MTRF1: variants seen among roughly 807,000 people sequenced by gnomAD.
MTRF1 encodes the protein peptide chain release factor 1, mitochondrial.
Under a neutral mutation model 62.9 loss-of-function variants are expected in MTRF1, and 51 were observed. That is an observed-to-expected ratio of 0.81 (90% CI 0.65 to 1.02). The LOEUF (loss-of-function observed/expected upper bound fraction) is 1.02. MTRF1 is among the 50% of genes least tolerant of loss of function. MTRF1 has a pLI of 0.00. For synonymous variants in MTRF1, 158 were observed against 181.9 expected, an observed-to-expected ratio of 0.87 and a Z score of 1.06; for missense variants, 446 against 530.0, an observed-to-expected ratio of 0.84 and a Z score of 1.56.
chr13:41,244,668 G>A (rs1429999725), intron 5 of MTRF1, among the ~76,000 whole-genome samples: 1 of 152,110 alleles, frequency 6.6e-6, no homozygotes, highest in Non-Finnish European at 1.5e-5. Context: ...TCACTTACTT[G>A]GGAGAAACAG....
At chr13:41,230,269 CT>C (rs1193748504) in intron 7 of MTRF1, among the ~76,000 whole-genome samples, 118 of 145,150 alleles carry the variant, frequency 8.1e-4, no homozygotes, top group Non-Finnish European at 9.0e-4. Context: ...ATATTCTTTT[CT>C]TTTTTTTTTT....
the MTRF1 span, among the ~76,000 whole-genome samples, chr13:41,277,187 A>T: frequency 1.3e-5 from 2 of 149,742 alleles, no homozygotes; most frequent in Non-Finnish European, 3.0e-5. Flanking sequence ...GCTGGAGTGC[A>T]GTGGTGCAAT....
chr13:41,274,064 G>C, the MTRF1 span, among the ~76,000 whole-genome samples: 1 of 152,270 alleles, frequency 6.6e-6, no homozygotes, highest in South Asian at 2.1e-4. Context: ...AGAATGGGAG[G>C]CAGGTTTTGC....
chr13:41,221,621 T>C (rs199875034), intron 9 of MTRF1, among the ~76,000 whole-genome samples: 1 of 152,356 alleles, frequency 6.6e-6, no homozygotes, highest in East Asian at 1.9e-4. Context: ...ACCAGTGTTA[T>C]TTTCCTTATT....
chr13:41,311,988 T>A, the MTRF1 span, among the ~76,000 whole-genome samples: 2 of 152,248 alleles, frequency 1.3e-5, no homozygotes, highest in Non-Finnish European at 2.9e-5. Context: ...TGTTTTGCGT[T>A]CTGCATTCTC....
chr13:41,223,396 A>G (rs2033794049), intron 8 of MTRF1, 42 bp from the exon 9 acceptor site: 1 of 1,510,904 alleles, frequency 6.6e-7, no homozygotes, highest in African/African-American at 1.4e-5. Flanking sequence ...ACCTTTATAA[A>G]TGTCTTCATT....
At chr13:41,303,361 T>C in the MTRF1 span, among the ~76,000 whole-genome samples, 246 of 152,330 alleles carry the variant, frequency 1.6e-3, no homozygotes, top group Non-Finnish European at 2.7e-3. Flanking sequence ...TTGGTGTTAA[T>C]AATGATGCTA....
intron 8 of MTRF1, among the ~76,000 whole-genome samples, chr13:41,225,544 G>T (rs1371595569): frequency 6.6e-6 from 1 of 152,010 alleles, no homozygotes; most frequent in African/African-American, 2.4e-5. Context: ...AGCTAGAAAC[G>T]TGAAAGTGTG....
intron 9 of MTRF1, among the ~76,000 whole-genome samples, chr13:41,221,266 C>T (rs1273443362): frequency 2.6e-5 from 4 of 151,758 alleles, no homozygotes; most frequent in Non-Finnish European, 5.9e-5. Flanking sequence ...ATGCCATTCT[C>T]CTGCCTCAAC....
At chr13:41,225,311 T>C (rs749485652) in intron 8 of MTRF1, among the ~76,000 whole-genome samples, 13 of 151,912 alleles carry the variant, frequency 8.6e-5, no homozygotes, top group Non-Finnish European at 1.6e-4. Flanking sequence ...GCAGAGTTCA[T>C]AGTGTCTGTG....
At chr13:41,269,558 C>CT in the MTRF1 span, among the ~76,000 whole-genome samples, 86,597 of 151,080 alleles carry the variant, frequency 0.57, 25,004 homozygotes, top group South Asian at 0.62. Context: ...AAATTGTTCA[C>CT]TTTTTTAAAA....
the MTRF1 span, among the ~76,000 whole-genome samples, chr13:41,278,272 G>A: frequency 2.6e-5 from 4 of 152,122 alleles, no homozygotes; most frequent in African/African-American, 9.7e-5. Flanking sequence ...TTGGCGTCTC[G>A]AACAAAGAAA....
At chr13:41,286,514 GCA>G in the MTRF1 span, among the ~76,000 whole-genome samples, 3 of 152,194 alleles carry the variant, frequency 2.0e-5, no homozygotes, top group Non-Finnish European at 4.4e-5. Context: ...ATAGTCATAA[GCA>G]GCATTGGCAA....
chr13:41,250,073 C>T (rs888934556), intron 5 of MTRF1, among the ~76,000 whole-genome samples: 1 of 151,996 alleles, frequency 6.6e-6, no homozygotes, highest in African/African-American at 2.4e-5. Context: ...GCTATACAAA[C>T]CTGGAACAGA....
At chr13:41,274,625 C>T in the MTRF1 span, among the ~76,000 whole-genome samples, 7 of 151,440 alleles carry the variant, frequency 4.6e-5, no homozygotes, top group East Asian at 1.9e-4. Context: ...GTTTACTCCA[C>T]GATAACTTTG....
At chr13:41,289,970 C>G in the MTRF1 span, among the ~76,000 whole-genome samples, 1 of 152,080 alleles carries the variant, frequency 6.6e-6, no homozygotes, top group Non-Finnish European at 1.5e-5. Flanking sequence ...GCTTCCACAA[C>G]TAGCAGGATG....
upstream of MTRF1, among the ~76,000 whole-genome samples, chr13:41,266,856 G>A (rs566304440): frequency 2.0e-4 from 31 of 152,018 alleles, no homozygotes; most frequent in East Asian, 3.9e-3. Context: ...TTAGCCGGGC[G>A]TGGTGGCAGG....
chr13:41,280,567 CTT>C, the MTRF1 span, among the ~76,000 whole-genome samples: 338 of 152,168 alleles, frequency 2.2e-3, 11 homozygotes, highest in East Asian at 0.055. Flanking sequence ...GATTTTGACT[CTT>C]TTCATTGCCA....
chr13:41,295,731 ATTAT>A, the MTRF1 span, among the ~76,000 whole-genome samples: 2 of 152,146 alleles, frequency 1.3e-5, no homozygotes, highest in African/African-American at 4.8e-5. Flanking sequence ...ATGAATAACT[ATTAT>A]TTAACAGTGA....
Sources: allele counts gnomAD v4.1 joint callset (sites outside exome capture counted in the v4.1 genomes callset), GRCh38; gene constraint gnomAD v4.1.1; transcripts MANE v1.5; gene names NCBI Gene and HGNC (gene_info 2026-07-23, HGNC 2026-07-21).